PHC3: variants seen among roughly 807,000 people sequenced by gnomAD.
PHC3 encodes polyhomeotic-like protein 3.
PHC3 carries 13 observed loss-of-function variants against 107.4 expected under a neutral mutation model. The ratio of observed to expected loss-of-function variants is 0.12; its 90% CI spans 0.08 to 0.19. The LOEUF is 0.19. Among genes scored for constraint, PHC3 ranks in the 10% least tolerant of loss-of-function variants. The probability of loss-of-function intolerance (pLI) is 1.00; values close to 1 mark genes in which losing one functional copy is unlikely to be tolerated. For synonymous variants in PHC3, 456 were observed against 427.4 expected (o/e 1.07, Z -0.83); for missense variants, 992 against 1,210.9 (o/e 0.82, Z 2.68).
intron 6 of PHC3, among the ~76,000 whole-genome samples, chr3:170,143,008 T>C (rs1268974205): frequency 6.6e-6 from 1 of 151,914 alleles, no homozygotes; most frequent in African/African-American, 2.4e-5. Flanking sequence ...ACCCTGCCTC[T>C]ACAGAAAAAA....
At chr3:170,139,897 T>C (rs1723756022) in intron 6 of PHC3, among the ~76,000 whole-genome samples, 1 of 152,206 alleles carries the variant, frequency 6.6e-6, no homozygotes. Flanking sequence ...GTGTCCCACA[T>C]TCATTTCATC....
Position 170,181,688 on chromosome 3 carries a change from A to G in PHC3, c.14+14T>C. 7 of 1,613,272 alleles carry G rather than the reference A, an allele frequency of 4.3e-6. No individual in the cohort carries two copies. Among genetic ancestry groups the G allele is most frequent in the Non-Finnish European group, 5.9e-6 (7 of 1,179,752 alleles). On this transcript the variant is annotated intron_variant, in intron 1 of 14. Coordinates refer to ENST00000495893, the MANE Select transcript of PHC3 (RefSeq NM_024947.4). ...CCCCCTAGTTACGACATCAGTCACC[A>G]TCTAGTCACTCACTCCGCTTCCGCC...
chr3:170,098,613 A>G (rs1242275139), intron 14 of PHC3, among the ~76,000 whole-genome samples: 1 of 151,974 alleles, frequency 6.6e-6, no homozygotes, highest in Non-Finnish European at 1.5e-5. Flanking sequence ...AATACACAAT[A>G]AACAAAAATA....
chr3:170,127,175 A>T (rs1395496621), intron 8 of PHC3, among the ~76,000 whole-genome samples: 1 of 152,162 alleles, frequency 6.6e-6, no homozygotes, highest in African/African-American at 2.4e-5. Context: ...TAAACTTTTT[A>T]AAAATTTTTC....
Position 170,102,649 on chromosome 3 carries a change from G to A in PHC3, c.2663C>T (p.Ser888Phe), listed in dbSNP as rs2108270499. The A allele has an allele frequency of 3.1e-6, 5 of 1,613,998 alleles. No homozygotes were observed. Among genetic ancestry groups the A allele is most frequent in the Middle Eastern group, 1.7e-4 (1 of 6,060 alleles). The change falls in exon 14 of 15, where the codon TCT becomes TTT. Residue 888 changes from serine to phenylalanine, a missense_variant. Transcript: ENST00000495893. ...CCTGCGCAGACGAGTTGTCATAGCA[G>A]ATGGCACAGAATCTTCATGAGAAGC... Reference protein sequence around the residue: ...DLASHEDSVPSAMTTRLRRQS... With the variant: ...DLASHEDSVPFAMTTRLRRQS...
rs1378492838 is a variant in PHC3, at chr3:170,090,029, A to ATG, written c.*7200_*7201insCA. 7.3e-5 allele frequency: 11 copies of ATG among 151,542 alleles called. No homozygotes were observed. Among genetic ancestry groups the ATG allele is most frequent in the African/African-American group, 2.4e-4 (10 of 41,252 alleles). The allele number at this position is 151,542 out of a possible 1,614,324, so 9.4% of individuals were successfully genotyped here. On this transcript the variant is annotated 3_prime_UTR_variant, in exon 15 of 15. Coordinates refer to ENST00000495893, the MANE Select transcript of PHC3 (RefSeq NM_024947.4). ...TTTTTTGTTCTGCCACATGCCTTGT[A>ATG]TAGCAACAACTCTGGAATAGAGTCA...
intron 10 of PHC3, among the ~76,000 whole-genome samples, chr3:170,114,249 TCCAC>T (rs1718454111): frequency 6.6e-6 from 1 of 152,146 alleles, no homozygotes; most frequent in South Asian, 2.1e-4. Flanking sequence ...CCTCAGGTGA[TCCAC>T]CCACCTCAGC....
At chr3:170,159,458 CA>C (rs1400785828) in intron 4 of PHC3, among the ~76,000 whole-genome samples, 3 of 151,832 alleles carry the variant, frequency 2.0e-5, no homozygotes, top group Admixed American at 6.6e-5. Flanking sequence ...ATATCCCACA[CA>C]CAAAAAAAGG....
chr3:170,122,656 G>A lies in PHC3; in HGVS notation c.1877C>T (p.Thr626Ile). 6.2e-7 allele frequency: 1 copy of A among 1,613,948 alleles called. No individual in the cohort carries two copies. Among genetic ancestry groups the A allele is most frequent in the Non-Finnish European group, 8.5e-7 (1 of 1,179,838 alleles). The change falls in exon 9 of 15, where the codon ACT becomes ATT. Residue 626 changes from threonine (T) to isoleucine (I), a missense_variant. Coordinates refer to ENST00000495893, the MANE Select transcript of PHC3 (RefSeq NM_024947.4). Reference protein sequence around the residue: ...VRMDRTPPPPTLSPAAITVGR... With the variant: ...VRMDRTPPPPILSPAAITVGR... The stretch of plus-strand genomic sequence containing the variant: ...CACTGTTATAGCTGCTGGAGACAAA[G>A]TGGGTGGTGGTGGGGTTCTATCCAT...
In PHC3 at chr3:170,096,752, A is replaced by G. The variant is rs1445231287; in HGVS notation, c.*478T>C. The stretch of plus-strand genomic sequence containing the variant: ...AAAAGACATGTTTTTTAAAATGTAC[A>G]CTGATTTCATACGATTCTGTCACTG... On this transcript the variant is annotated 3_prime_UTR_variant, in exon 15 of 15. Coordinates refer to ENST00000495893, the MANE Select transcript of PHC3 (RefSeq NM_024947.4). 6.6e-6 allele frequency: 1 copy of G among 152,520 alleles called. No homozygotes were observed. The highest frequency in any genetic ancestry group is 2.4e-5 in the African/African-American group (1 of 41,458). The allele number at this position is 152,520 out of a possible 1,614,324, so 9.4% of individuals were successfully genotyped here.
At chr3:170,166,804 G>T (rs1020596320) in intron 4 of PHC3, among the ~76,000 whole-genome samples, 6 of 151,770 alleles carry the variant, frequency 4.0e-5, no homozygotes, top group African/African-American at 1.2e-4. Context: ...AGCTGGGACT[G>T]CAGGCACACA....
chr3:170,156,601 C>T (rs553624791), intron 4 of PHC3, among the ~76,000 whole-genome samples: 1 of 150,360 alleles, frequency 6.7e-6, no homozygotes, highest in Admixed American at 6.7e-5. Context: ...TAAGAGACTA[C>T]ATGGTTTTTT....
chr3:170,181,358 C>A (rs1048118310), intron 1 of PHC3, among the ~76,000 whole-genome samples: 24 of 152,168 alleles, frequency 1.6e-4, no homozygotes, highest in Non-Finnish European at 2.9e-4. Context: ...AGGCTGCCCG[C>A]GGGGCCCACT....
At chr3:170,167,346 T>C (rs572367467) in intron 4 of PHC3, among the ~76,000 whole-genome samples, 1 of 152,330 alleles carries the variant, frequency 6.6e-6, no homozygotes, top group East Asian at 1.9e-4. Flanking sequence ...CTTGTAGAGA[T>C]GGGGTTTCAT....
At chr3:170,169,282 C>T (rs148985203) in intron 4 of PHC3, among the ~76,000 whole-genome samples, 1,631 of 152,206 alleles carry the variant, frequency 0.011, 32 homozygotes, top group African/African-American at 0.037. Context: ...GGACCCTTTC[C>T]CACGGCTTCA....
intron 4 of PHC3, among the ~76,000 whole-genome samples, chr3:170,167,877 G>A (rs897386237): frequency 6.6e-6 from 1 of 152,116 alleles, no homozygotes; most frequent in African/African-American, 2.4e-5. Flanking sequence ...TCAGCCAGGT[G>A]TAGTGGCTCA....
chr3:170,181,705 G>T lies in PHC3; in HGVS notation c.11C>A (p.Ala4Glu). 2 of 1,613,002 alleles carry T rather than the reference G, an allele frequency of 1.2e-6. No individual in the cohort carries two copies. Among genetic ancestry groups the T allele is most frequent in the Non-Finnish European group, 8.5e-7 (1 of 1,179,772 alleles). Residue 4 changes from alanine (A) to glutamate (E), a missense_variant, in exon 1 of 15, where the codon GCG becomes GAG. This residue lies in a region of PHC3 where 161 missense variants were observed against 183.7 expected (regional missense o/e 0.88). Coordinates refer to ENST00000495893, the MANE Select transcript of PHC3 (RefSeq NM_024947.4). MAEAEFKDHSTAMD... is the reference protein window; with the variant it reads MAEEEFKDHSTAMD... ...CAGTCACCATCTAGTCACTCACTCCGCTTCCGCCATCTTCTCTCCTCCATC... is the reference window on the plus strand; with the variant it reads ...CAGTCACCATCTAGTCACTCACTCCTCTTCCGCCATCTTCTCTCCTCCATC...
rs982816878 is a variant in PHC3 at position 170,090,047 on chromosome 3, T to C, written c.*7183A>G. ...GCCTTGTATAGCAACAACTCTGGAA[T>C]AGAGTCAAGTGTCAAAATAATGTTG... On this transcript the variant is annotated 3_prime_UTR_variant, in exon 15 of 15. Coordinates refer to ENST00000495893, the MANE Select transcript of PHC3 (RefSeq NM_024947.4). The C allele has an allele frequency of 6.6e-6, 1 of 151,850 alleles. No homozygotes were observed. Among genetic ancestry groups the C allele is most frequent in the Non-Finnish European group, 1.5e-5 (1 of 67,978 alleles). The allele number at this position is 151,850 out of a possible 1,614,324, so 9.4% of individuals were successfully genotyped here.
In PHC3 at chr3:170,091,722, T is replaced by A. The variant is rs1714104833; in HGVS notation, c.*5508A>T. On this transcript the variant is annotated 3_prime_UTR_variant, in exon 15 of 15. Coordinates refer to ENST00000495893, the MANE Select transcript of PHC3 (RefSeq NM_024947.4). Reference sequence around the variant, plus strand: ...AAAGTTTAGAAAAAGCCATATTCTCTGGAATGTGATGGTAATAATTATATT... The same window carrying A: ...AAAGTTTAGAAAAAGCCATATTCTCAGGAATGTGATGGTAATAATTATATT... 2 of 152,198 alleles carry A rather than the reference T, an allele frequency of 1.3e-5. No individual in the cohort carries two copies. The highest frequency in any genetic ancestry group is 4.8e-5 in the African/African-American group (2 of 41,452). 9.4% of individuals were successfully genotyped at this position (152,198 alleles called of 1,614,324 possible).
Sources: allele counts gnomAD v4.1 joint callset (sites outside exome capture counted in the v4.1 genomes callset), GRCh38; gene constraint gnomAD v4.1.1; regional missense constraint gnomAD v4.1.1; transcripts MANE v1.5; gene names NCBI Gene and HGNC (gene_info 2026-07-23, HGNC 2026-07-21).